Variants in HS6ST2 observed in about 807,000 individuals in gnomAD.
HS6ST2 encodes the protein heparan sulfate 6-O-sulfotransferase 2.
A neutral mutation model predicts 33.0 loss-of-function variants in HS6ST2; 17 were observed. That is an observed-to-expected ratio of 0.52 (90% CI 0.35 to 0.77). The LOEUF is 0.77. HS6ST2 is among the 30% of genes least tolerant of loss of function. The pLI is 0.01. For missense variants in HS6ST2, 519 were observed against 551.7 expected (o/e 0.94, Z 0.59); for synonymous variants, 248 against 237.1 (o/e 1.05, Z -0.42).
At chrX:132,708,575 C>A (rs1365587218) in intron 2 of HS6ST2, 81 bp from the exon 3 acceptor site, 1 of 870,687 alleles carries the variant, frequency 1.1e-6, no homozygotes, top group East Asian at 3.5e-5. Flanking sequence ...TTCCATTGTG[C>A]TTTAAGAGCA....
chrX:132,880,536 G>A lies in HS6ST2; in HGVS notation c.947+76272C>T, dbSNP rs1331207180. Among the ~76,000 whole-genome samples the A allele has an allele frequency of 0.014, 34 of 2,369 alleles. No individual in the cohort carries two copies. In the Middle Eastern group the frequency reaches 0.43, roughly 30 times the overall value. 2.1% of individuals were successfully genotyped at this position (2,369 alleles called of 115,157 possible). A position where few individuals can be genotyped will look rare whatever the true frequency, so the allele number is the denominator to read the frequency against. ...TGAGACTCTGTGTAAAAAAAAAAAG[G>A]AAAAAAAAAAAGGTTCGGAGAGAAG... On this transcript the variant is annotated intron_variant, in intron 2 of 4. Coordinates refer to ENST00000370833, the MANE Select transcript of HS6ST2 (RefSeq NM_001394073.1).
At chrX:132,882,748 T>C (rs2066192205) in intron 2 of HS6ST2, among the ~76,000 whole-genome samples, 2 of 111,287 alleles carry the variant, frequency 1.8e-5, no homozygotes, top group Admixed American at 9.6e-5. Flanking sequence ...TTCAGTATGA[T>C]ATTGGCTGTG....
At chrX:132,708,944 G>A (rs1307826219) in intron 2 of HS6ST2, among the ~76,000 whole-genome samples, 4 of 112,492 alleles carry the variant, frequency 3.6e-5, no homozygotes, top group East Asian at 2.8e-4. Context: ...AGGAATATAC[G>A]AAACACAAAT....
intron 2 of HS6ST2, among the ~76,000 whole-genome samples, chrX:132,836,075 T>C (rs995150261): frequency 1.8e-5 from 2 of 112,045 alleles, no homozygotes; most frequent in African/African-American, 3.2e-5. Flanking sequence ...GCTCTTCAAG[T>C]GAAGCAGTGG....
At chrX:132,680,252 T>C (rs2063958742) in intron 3 of HS6ST2, among the ~76,000 whole-genome samples, 1 of 111,021 alleles carries the variant, frequency 9.0e-6, no homozygotes. Context: ...ATCTTCACAA[T>C]CCACGTTCTT....
At chrX:132,837,250 C>A (rs1183708827) in intron 2 of HS6ST2, among the ~76,000 whole-genome samples, 1 of 111,418 alleles carries the variant, frequency 9.0e-6, no homozygotes, top group East Asian at 2.8e-4. Context: ...TTACCCAGGG[C>A]AAGCCACAAA....
intron 2 of HS6ST2, among the ~76,000 whole-genome samples, chrX:132,712,163 G>C (rs775889901): frequency 9.0e-6 from 1 of 111,653 alleles, no homozygotes; most frequent in Admixed American, 9.5e-5. Flanking sequence ...CTGAACTGGT[G>C]TGCTCACCCT....
chrX:132,728,453 G>A (rs891005902), intron 2 of HS6ST2, among the ~76,000 whole-genome samples: 1 of 111,642 alleles, frequency 9.0e-6, no homozygotes, highest in Non-Finnish European at 1.9e-5. Flanking sequence ...GGGTGTGGGA[G>A]CCTCCCCTCC....
intron 2 of HS6ST2, among the ~76,000 whole-genome samples, chrX:132,856,451 AC>A (rs2065853104): frequency 8.9e-6 from 1 of 111,734 alleles, no homozygotes; most frequent in Non-Finnish European, 1.9e-5. Context: ...GGGACAACGC[AC>A]CTTGAAACTG....
intron 2 of HS6ST2, among the ~76,000 whole-genome samples, chrX:132,949,007 A>G (rs930638629): frequency 8.9e-6 from 1 of 111,904 alleles, no homozygotes; most frequent in Non-Finnish European, 1.9e-5. Flanking sequence ...ATATTGGAAT[A>G]GTTGGACAAT....
chrX:132,746,072 T>C (rs922606144), intron 2 of HS6ST2, among the ~76,000 whole-genome samples: 2 of 111,763 alleles, frequency 1.8e-5, no homozygotes, highest in Non-Finnish European at 3.8e-5. Flanking sequence ...AAGTAAAAGA[T>C]ACTGCCTCCA....
intron 2 of HS6ST2, among the ~76,000 whole-genome samples, chrX:132,842,665 T>C (rs1030351598): frequency 2.7e-5 from 3 of 111,391 alleles, no homozygotes; most frequent in African/African-American, 9.8e-5. Flanking sequence ...CCACACACAG[T>C]AGAATACTCT....
intron 2 of HS6ST2, among the ~76,000 whole-genome samples, chrX:132,806,528 C>T (rs1459477632): frequency 1.5e-4 from 16 of 109,688 alleles, no homozygotes; most frequent in African/African-American, 3.6e-4. Context: ...GGCAAGTGGT[C>T]GGCAAGGTGG....
chrX:132,852,782 C>A (rs1003172448), intron 2 of HS6ST2, among the ~76,000 whole-genome samples: 2 of 111,960 alleles, frequency 1.8e-5, no homozygotes, highest in African/African-American at 6.5e-5. Context: ...ATGGATGTCA[C>A]AGCTAGTTCA....
In HS6ST2 at chrX:132,712,791, G is replaced by A. The variant is rs191435485; in HGVS notation, c.948-4297C>T. 2.5e-4 allele frequency among the ~76,000 whole-genome samples: 28 copies of A among 111,432 alleles called. No homozygotes were observed. The East Asian group carries it at 6.0e-3, about 24-fold the overall frequency. ...CTGTAATCCCAGCACTTTGGGAGGC[G>A]GAGCAGATGGATCACCTGAGGTCAG... is the stretch of plus-strand genomic sequence containing the variant. On this transcript the variant is annotated intron_variant, in intron 2 of 4. Coordinates refer to ENST00000370833, the MANE Select transcript of HS6ST2 (RefSeq NM_001394073.1).
chrX:132,816,647 C>T (rs1354331837), intron 2 of HS6ST2, among the ~76,000 whole-genome samples: 2 of 111,998 alleles, frequency 1.8e-5, no homozygotes, highest in African/African-American at 6.5e-5. Flanking sequence ...TTATAATTAG[C>T]TCATGCATCT....
Position 132,669,164 on chromosome X carries a change from C to A in HS6ST2, c.1016G>T (p.Gly339Val), listed in dbSNP as rs1259321851. 1 of 1,209,927 alleles carries A rather than the reference C, an allele frequency of 8.3e-7. No homozygotes were observed. Among genetic ancestry groups the A allele is most frequent in the Admixed American group, 2.2e-5 (1 of 45,962 alleles). ...CTTTGTGGATGACGGAGAGTTGGCGCCTGCGTTAGTGTTTGGAGAACCCCG... is the reference window on the plus strand; with the variant it reads ...CTTTGTGGATGACGGAGAGTTGGCGACTGCGTTAGTGTTTGGAGAACCCCG... ...DKRGSPNTNAGANSPSSTKTR... is the reference protein window; with the variant it reads ...DKRGSPNTNAVANSPSSTKTR... Residue 339 changes from glycine to valine, a missense_variant, in exon 4 of 5, where the codon GGC becomes GTC. Physicochemically the swap from Gly to Val is moderately radical, Grantham distance 109. Coordinates refer to ENST00000370833, the MANE Select transcript of HS6ST2 (RefSeq NM_001394073.1).
chrX:132,946,010 GA>G (rs1360195612), intron 2 of HS6ST2, among the ~76,000 whole-genome samples: 1 of 111,532 alleles, frequency 9.0e-6, no homozygotes, highest in Non-Finnish European at 1.9e-5. Flanking sequence ...AATTAAAAAA[GA>G]AATGAAAAAA....
intron 2 of HS6ST2, among the ~76,000 whole-genome samples, chrX:132,791,654 TTTC>T (rs1440362939): frequency 8.9e-6 from 1 of 112,106 alleles, no homozygotes; most frequent in Non-Finnish European, 1.9e-5. Flanking sequence ...CAAAAAAGTT[TTTC>T]TTTTCTTTTT....
Sources: gnomAD v4.1 joint callset for allele counts (sites outside exome capture counted in the v4.1 genomes callset) on GRCh38, gnomAD v4.1.1 for gene constraint, MANE v1.5 for transcripts, NCBI Gene and HGNC (gene_info 2026-07-23, HGNC 2026-07-21) for gene names.